Variants in ZRANB1 observed in about 807,000 individuals in gnomAD.
ZRANB1 encodes the protein zinc finger RANBP2-type containing 1.
ZRANB1 carries 16 observed loss-of-function variants against 80.5 expected under a neutral mutation model. That is an observed-to-expected ratio of 0.20 (90% CI 0.13 to 0.30). The LOEUF (loss-of-function observed/expected upper bound fraction) is 0.30, where lower values mean the gene tolerates loss of function less well. ZRANB1 is among the 10% of genes least tolerant of loss of function. The pLI, the probability that ZRANB1 is intolerant of heterozygous loss-of-function variation, is 1.00. For synonymous variants in ZRANB1, 291 were observed against 293.1 expected, an observed-to-expected ratio of 0.99 and a Z score of 0.07; for missense variants, 576 against 862.6, an observed-to-expected ratio of 0.67 and a Z score of 4.16.
Position 124,983,139 on chromosome 10 carries a change from A to G in ZRANB1, c.1549-36A>G. ...TACACATCAGTTTTCCAGGAGTGGT[A>G]ATAAATGTTTTAAGTTTTTGTTTTG... On this transcript the variant is annotated intron_variant, in intron 6 of 8. Coordinates refer to ENST00000359653, the MANE Select transcript of ZRANB1 (RefSeq NM_017580.3). This position sits in a 1 kb window ranked among gnomAD's most constrained non-coding sequence, Gnocchi z 6.2. The G allele has an allele frequency of 6.3e-7, 1 of 1,589,896 alleles. No homozygotes were observed. Among genetic ancestry groups the G allele is most frequent in the African/African-American group, 1.4e-5 (1 of 73,938 alleles).
the ZRANB1 span, among the ~76,000 whole-genome samples, chr10:124,925,521 ACTTT>A: frequency 1.3e-5 from 2 of 152,110 alleles, no homozygotes; most frequent in Non-Finnish European, 2.9e-5. Flanking sequence ...ATTTGCAAAT[ACTTT>A]CTTCTGTCTG....
At chr10:124,951,760 C>T (rs1951640799) in intron 1 of ZRANB1, among the ~76,000 whole-genome samples, 1 of 151,984 alleles carries the variant, frequency 6.6e-6, no homozygotes, top group African/African-American at 2.4e-5. Context: ...AGTTCAAGAC[C>T]AGCCTGGCCA....
intron 5 of ZRANB1, 53 bp from the exon 6 acceptor site, chr10:124,981,656 G>T: frequency 6.9e-7 from 1 of 1,459,564 alleles, no homozygotes; most frequent in Admixed American, 2.3e-5. Flanking sequence ...AACTTTAAAT[G>T]TTTTATTTAT....
intron 5 of ZRANB1, among the ~76,000 whole-genome samples, chr10:124,977,934 C>A (rs908288217): frequency 2.0e-5 from 3 of 151,988 alleles, no homozygotes; most frequent in African/African-American, 7.3e-5. Flanking sequence ...ACAGGTGTCC[C>A]AGAACAGCAT....
Position 124,983,287 on chromosome 10 carries a change from G to A in ZRANB1, c.1661G>A (p.Gly554Glu). 1.2e-6 allele frequency: 2 copies of A among 1,613,884 alleles called. No homozygotes were observed. Among genetic ancestry groups the A allele is most frequent in the Non-Finnish European group, 1.7e-6 (2 of 1,179,940 alleles). Residue 554 changes from glycine (G) to glutamate (E), a missense_variant, in exon 7 of 9, where the codon GGA becomes GAA. By Grantham distance (98) the Gly-to-Glu change is moderately conservative (BLOSUM62 -2). Transcript: ENST00000359653. This position sits in a 1 kb window ranked among gnomAD's most constrained non-coding sequence, Gnocchi z 6.2. ...AAGAGTTTCCGGGGAGAAACTTTAG[G>A]ATATACTCGGTTTCAAGGTAAGCCA... ...YYKSFRGETL[G>E]YTRFQGVYLP...
Position 124,959,483 on chromosome 10 carries a change from A to G in ZRANB1, c.815-7111A>G, listed in dbSNP as rs1951713962. On this transcript the variant is annotated intron_variant, in intron 1 of 8. Coordinates refer to ENST00000359653, the MANE Select transcript of ZRANB1 (RefSeq NM_017580.3). ...AACTTTTTTTTTTTTTCCCCCTGAG[A>G]TGAGATCTCACTTTGTCACCCAGGC... is the stretch of plus-strand genomic sequence containing the variant. 2.6e-5 allele frequency among the ~76,000 whole-genome samples: 4 copies of G among 151,026 alleles called. No individual in the cohort carries two copies. In the South Asian group the frequency reaches 8.4e-4, roughly 32 times the overall value.
intron 8 of ZRANB1, chr10:124,984,506 T>C: frequency 2.4e-6 from 1 of 411,710 alleles, no homozygotes; most frequent in South Asian, 5.2e-5. Context: ...TTAGGACATT[T>C]GTTTTTTATT....
chr10:124,933,284 G>A, the ZRANB1 span, among the ~76,000 whole-genome samples: 4 of 151,430 alleles, frequency 2.6e-5, no homozygotes, highest in Admixed American at 6.6e-5. Flanking sequence ...TTACAGGTGC[G>A]CGCCACCATG....
chr10:124,987,509 G>A lies in ZRANB1; in HGVS notation c.*2517G>A, dbSNP rs1952084820. The stretch of plus-strand genomic sequence containing the variant: ...CTTCTTCACATATTCGTGAAGGTAA[G>A]ATATTCTGTGTGCGCTTGGCCTCCT... On this transcript the variant is annotated 3_prime_UTR_variant, in exon 9 of 9. Coordinates refer to ENST00000359653, the MANE Select transcript of ZRANB1 (RefSeq NM_017580.3). The A allele has an allele frequency of 1.3e-5, 2 of 152,166 alleles. No homozygotes were observed. The highest frequency in any genetic ancestry group is 6.5e-5 in the Admixed American group (1 of 15,280). 9.4% of individuals were successfully genotyped at this position (152,166 alleles called of 1,614,324 possible).
intron 1 of ZRANB1, among the ~76,000 whole-genome samples, chr10:124,955,995 C>T (rs935865633): frequency 5.9e-5 from 9 of 152,122 alleles, no homozygotes; most frequent in Non-Finnish European, 1.0e-4. Flanking sequence ...AGAAATAAAG[C>T]GCCAGTATTC....
chr10:124,970,889 G>A (rs938746615), intron 2 of ZRANB1, among the ~76,000 whole-genome samples: 3 of 143,890 alleles, frequency 2.1e-5, no homozygotes, highest in South Asian at 4.5e-4. Flanking sequence ...CCTGGCTGGA[G>A]TGCAGTGGCG....
At chr10:124,949,859 T>C (rs1015561031) in intron 1 of ZRANB1, among the ~76,000 whole-genome samples, 5 of 152,186 alleles carry the variant, frequency 3.3e-5, no homozygotes, top group African/African-American at 1.2e-4. Flanking sequence ...CAGCTTTCAC[T>C]ATAGGGAATA....
At position 124,988,184 on chromosome 10, in the gene ZRANB1, A is replaced by T. The variant is rs1268931912; in HGVS notation, c.*3192A>T. On this transcript the variant is annotated 3_prime_UTR_variant, in exon 9 of 9. Coordinates refer to ENST00000359653, the MANE Select transcript of ZRANB1 (RefSeq NM_017580.3). ...TTTCAATTAAACTTTTTGTTATCAC[A>T]GGTAATTAATTGTCAGCGGTCTTGA... 1.3e-5 allele frequency: 2 copies of T among 152,638 alleles called. No homozygotes were observed. The highest frequency in any genetic ancestry group is 4.8e-5 in the African/African-American group (2 of 41,450). The allele number at this position is 152,638 out of a possible 1,614,324, so 9.5% of individuals were successfully genotyped here. A position where few individuals can be genotyped will look rare whatever the true frequency, so the allele number is the denominator to read the frequency against.
chr10:124,942,129 G>GGTGTAGA lies in ZRANB1; in HGVS notation c.-365_-364insGTGTAGA. 3 of 1,051,046 alleles carry GGTGTAGA rather than the reference G, an allele frequency of 2.9e-6. No homozygotes were observed. The highest frequency in any genetic ancestry group is 6.9e-5 in the South Asian group (2 of 29,074). 65.1% of individuals were successfully genotyped at this position (1,051,046 alleles called of 1,614,324 possible). A position where few individuals can be genotyped will look rare whatever the true frequency, so the allele number is the denominator to read the frequency against. On this transcript the variant is annotated 5_prime_UTR_variant, in exon 1 of 9. It introduces an in-frame stop codon into an upstream open reading frame of the 5' UTR. Transcript: ENST00000359653. The stretch of plus-strand genomic sequence containing the variant: ...GTTACTTTTCTAAATTGATGTGATG[G>GGTGTAGA]CCTCCCTGAAATTAAACATTTCTAT...
intron 1 of ZRANB1, among the ~76,000 whole-genome samples, chr10:124,952,729 A>G (rs538509655): frequency 4.0e-5 from 6 of 151,356 alleles, no homozygotes; most frequent in East Asian, 3.9e-4. Flanking sequence ...TCCTGCCTCA[A>G]CCTCTCAAGT....
the ZRANB1 span, among the ~76,000 whole-genome samples, chr10:124,935,153 C>A: frequency 2.0e-5 from 3 of 152,060 alleles, no homozygotes; most frequent in Non-Finnish European, 4.4e-5. Context: ...TTTAATGGGG[C>A]TAGAATGTGA....
rs752232475 is a variant in ZRANB1 at position 124,983,411 on chromosome 10, G to A, written c.1679-48G>A. ...ATGTGAACAAGGGCAGTGAGGGAGT[G>A]GCTCTTTCTTCCTGTGACTGTTGGG... On this transcript the variant is annotated intron_variant, in intron 7 of 8. Coordinates refer to ENST00000359653, the MANE Select transcript of ZRANB1 (RefSeq NM_017580.3). The surrounding 1 kb of genome is among the most constrained non-coding windows in gnomAD (Gnocchi z 6.2). 1.3e-6 allele frequency: 2 copies of A among 1,591,246 alleles called. No individual in the cohort carries two copies. The highest frequency in any genetic ancestry group is 1.7e-6 in the Non-Finnish European group (2 of 1,165,242).
At chr10:124,954,931 C>T (rs1255339201) in intron 1 of ZRANB1, among the ~76,000 whole-genome samples, 1 of 150,658 alleles carries the variant, frequency 6.6e-6, no homozygotes, top group African/African-American at 2.4e-5. Flanking sequence ...AGATCGAGAC[C>T]ATCCTGGCTA....
intron 3 of ZRANB1, among the ~76,000 whole-genome samples, chr10:124,972,447 A>T (rs1470038499): frequency 1.3e-5 from 2 of 151,806 alleles, no homozygotes; most frequent in Non-Finnish European, 2.9e-5. Flanking sequence ...CCTTTGAAAA[A>T]TTTTCCCTTT....
Sources: gnomAD v4.1 joint callset for allele counts (sites outside exome capture counted in the v4.1 genomes callset) on GRCh38, gnomAD v4.1.1 for gene constraint, Gnocchi (gnomAD v3.1) non-coding constraint, MANE v1.5 for transcripts, NCBI Gene and HGNC (gene_info 2026-07-23, HGNC 2026-07-21) for gene names.